The following EPS8 variants were observed in gnomAD, a reference collection of about 807,000 sequenced individuals.
The protein encoded by EPS8 is EGFR pathway substrate 8, signaling adaptor, also known as epidermal growth factor receptor kinase substrate 8.
Under a neutral mutation model 103.8 loss-of-function variants are expected in EPS8, and 42 were observed. The observed-to-expected ratio is 0.40, with a 90% CI of 0.32 to 0.52. The LOEUF (loss-of-function observed/expected upper bound fraction) is 0.52. EPS8 is among the 20% of genes least tolerant of loss of function. The pLI is 0.40. For missense variants in EPS8, 969 were observed against 1,005.1 expected, an observed-to-expected ratio of 0.96 and a Z score of 0.49; for synonymous variants, 344 against 344.6, an observed-to-expected ratio of 1.00 and a Z score of 0.02.
Position 15,738,536 on chromosome 12 carries a change from T to TA in EPS8, c.-22+50624dup, listed in dbSNP as rs1946788406. Among the ~76,000 whole-genome samples, 1 of 152,210 alleles carries TA rather than the reference T, an allele frequency of 6.6e-6. No homozygotes were observed. The highest frequency in any genetic ancestry group is 1.5e-5 in the Non-Finnish European group (1 of 68,034). On this transcript the variant is annotated intron_variant, in intron 1 of 20. Transcript: ENST00000281172. The surrounding 1 kb of genome is among the most constrained non-coding windows in gnomAD (Gnocchi z 6.2). ...GAACTTACTGAAGGTCCTTCTATAA[T>TA]AAGAACATTCTTAGCCCTGAAGATA...
chr12:15,641,679 A>T, intron 16 of EPS8, 43 bp downstream of exon 16: 1 of 948,586 alleles, frequency 1.1e-6, no homozygotes, highest in Non-Finnish European at 1.6e-6. Flanking sequence ...TAATACAATA[A>T]AACTACTTTA....
chr12:15,661,992 A>G (rs757888147), intron 9 of EPS8, 34 bp downstream of exon 9: 3 of 1,477,988 alleles, frequency 2.0e-6, no homozygotes, highest in Non-Finnish European at 2.8e-6. Context: ...CTTAAAAGAA[A>G]AGCCAGTGAT....
rs1946742491 is a variant in EPS8 at position 15,733,924 on chromosome 12, T to C, written c.-21-50952A>G. On this transcript the variant is annotated intron_variant, in intron 1 of 20. Coordinates refer to ENST00000281172, the MANE Select transcript of EPS8 (RefSeq NM_004447.6). This position sits in a 1 kb window ranked among gnomAD's most constrained non-coding sequence, Gnocchi z 4.8. ...CCCAGGCTGGAGTACAGTGATGCAATCTCAGCTCACTGCAGCCTTCACCTC... is the reference window on the plus strand; with the variant it reads ...CCCAGGCTGGAGTACAGTGATGCAACCTCAGCTCACTGCAGCCTTCACCTC... 6.6e-6 allele frequency among the ~76,000 whole-genome samples: 1 copy of C among 152,188 alleles called. No individual in the cohort carries two copies. Among genetic ancestry groups the C allele is most frequent in the Non-Finnish European group, 1.5e-5 (1 of 68,032 alleles).
At chr12:15,742,866 C>A (rs1946839272) in intron 1 of EPS8, among the ~76,000 whole-genome samples, 1 of 152,150 alleles carries the variant, frequency 6.6e-6, no homozygotes. Context: ...CAGGGATGCC[C>A]TCTCTCACCA....
At chr12:15,660,236 A>G (rs1945580337) in intron 10 of EPS8, among the ~76,000 whole-genome samples, 1 of 151,850 alleles carries the variant, frequency 6.6e-6, no homozygotes, top group Non-Finnish European at 1.5e-5. Flanking sequence ...AGTTTTGCTA[A>G]GTAGTTCTTG....
intron 14 of EPS8, among the ~76,000 whole-genome samples, chr12:15,648,531 G>C (rs557670408): frequency 2.0e-4 from 31 of 152,124 alleles, no homozygotes; most frequent in Non-Finnish European, 4.3e-4. Flanking sequence ...ACAAGTTTCA[G>C]CCATTTAAAT....
intron 1 of EPS8, among the ~76,000 whole-genome samples, chr12:15,710,769 G>A (rs538475257): frequency 4.6e-5 from 7 of 152,202 alleles, no homozygotes; most frequent in African/African-American, 1.7e-4. Flanking sequence ...GTTTACATTA[G>A]AAATATCCTA....
Position 15,760,258 on chromosome 12 carries a change from A to C in EPS8, c.-22+28903T>G, listed in dbSNP as rs781466015. On this transcript the variant is annotated intron_variant, in intron 1 of 20. Transcript: ENST00000281172. This position sits in a 1 kb window ranked among gnomAD's most constrained non-coding sequence, Gnocchi z 4.5. ...ACCTACTAAGATTGAACTATGAAGA[A>C]ATCCAAAACCTGAACAGACCAAAAA... 6.6e-6 allele frequency among the ~76,000 whole-genome samples: 1 copy of C among 152,078 alleles called. No homozygotes were observed. The highest frequency in any genetic ancestry group is 1.5e-5 in the Non-Finnish European group (1 of 67,972).
At chr12:15,636,876 A>G (rs1945144421) in intron 17 of EPS8, among the ~76,000 whole-genome samples, 1 of 152,244 alleles carries the variant, frequency 6.6e-6, no homozygotes, top group South Asian at 2.1e-4. Flanking sequence ...GCAAAAATCA[A>G]ATTCCAAGGA....
In EPS8 at chr12:15,767,039, A is replaced by G. The variant is rs963040772; in HGVS notation, c.-22+22122T>C. 6.6e-6 allele frequency among the ~76,000 whole-genome samples: 1 copy of G among 152,192 alleles called. No homozygotes were observed. Among genetic ancestry groups the G allele is most frequent in the African/African-American group, 2.4e-5 (1 of 41,444 alleles). On this transcript the variant is annotated intron_variant, in intron 1 of 20. Transcript: ENST00000281172. This position sits in a 1 kb window ranked among gnomAD's most constrained non-coding sequence, Gnocchi z 5.5. ...TAAATATATATATATGATGACAATG[A>G]TGATGGTGGTGGTGAGAATGATGAT...
At chr12:15,624,120 C>T in intron 19 of EPS8, 107 bp downstream of exon 19, 1 of 836,690 alleles carries the variant, frequency 1.2e-6, no homozygotes, top group South Asian at 1.6e-5. Flanking sequence ...AGTATGCAGT[C>T]TGTGCCCTTA....
intron 1 of EPS8, among the ~76,000 whole-genome samples, chr12:15,766,431 T>G (rs1947097197): frequency 6.6e-6 from 1 of 150,626 alleles, no homozygotes; most frequent in Non-Finnish European, 1.5e-5. Flanking sequence ...AGGCGAAGGT[T>G]GCAGTGAGCC....
At chr12:15,680,156 A>G (rs1945980470) in intron 3 of EPS8, among the ~76,000 whole-genome samples, 1 of 152,214 alleles carries the variant, frequency 6.6e-6, no homozygotes, top group Non-Finnish European at 1.5e-5. Context: ...TATTAAATCC[A>G]TTTTATGAAT....
intron 1 of EPS8, among the ~76,000 whole-genome samples, chr12:15,720,505 T>G (rs911851637): frequency 6.6e-6 from 1 of 152,196 alleles, no homozygotes; most frequent in African/African-American, 2.4e-5. Flanking sequence ...ACTACTGATG[T>G]AAGCAAAGCA....
intron 1 of EPS8, among the ~76,000 whole-genome samples, chr12:15,703,646 TA>T (rs150032173): frequency 0.021 from 3,138 of 151,738 alleles, 96 homozygotes; most frequent in African/African-American, 0.069. Flanking sequence ...AATTTGGACT[TA>T]ATCTTTTAGG....
chr12:15,714,830 G>T lies in EPS8; in HGVS notation c.-21-31858C>A, dbSNP rs1946511202. ...AAATAGAATTTTTAAAATGTATTTAGAAAAGCAATAGTCAATGTCAGAAGT... is the reference window on the plus strand; with the variant it reads ...AAATAGAATTTTTAAAATGTATTTATAAAAGCAATAGTCAATGTCAGAAGT... On this transcript the variant is annotated intron_variant, in intron 1 of 20. Transcript: ENST00000281172. This position sits in a 1 kb window ranked among gnomAD's most constrained non-coding sequence, Gnocchi z 4.1. 6.6e-6 allele frequency among the ~76,000 whole-genome samples: 1 copy of T among 152,158 alleles called. No individual in the cohort carries two copies. The highest frequency in any genetic ancestry group is 1.5e-5 in the Non-Finnish European group (1 of 68,024).
chr12:15,722,870 C>A (rs1280278385), intron 1 of EPS8, among the ~76,000 whole-genome samples: 1 of 152,118 alleles, frequency 6.6e-6, no homozygotes, highest in Non-Finnish European at 1.5e-5. Context: ...ATCTCTTCTT[C>A]ATACTATCAC....
chr12:15,663,902 C>A, intron 8 of EPS8, among the ~76,000 whole-genome samples: 1 of 110,738 alleles, frequency 9.0e-6, no homozygotes, highest in African/African-American at 3.7e-5. Flanking sequence ...GCCTGGGTGA[C>A]AGAGCAACAC....
At chr12:15,744,423 T>C (rs569640942) in intron 1 of EPS8, among the ~76,000 whole-genome samples, 42 of 152,202 alleles carry the variant, frequency 2.8e-4, no homozygotes, top group Non-Finnish European at 4.6e-4. Context: ...GGATGAACTA[T>C]AGTGAGTGAA....
Sources: gnomAD v4.1 joint callset for allele counts (sites outside exome capture counted in the v4.1 genomes callset) on GRCh38, gnomAD v4.1.1 for gene constraint, Gnocchi (gnomAD v3.1) non-coding constraint, MANE v1.5 for transcripts, NCBI Gene and HGNC (gene_info 2026-07-23, HGNC 2026-07-21) for gene names.